The following AFAP1 variants were observed in gnomAD, a reference collection of about 807,000 sequenced individuals.
AFAP1 encodes the protein actin filament-associated protein 1.
A neutral mutation model predicts 93.9 loss-of-function variants in AFAP1; 75 were observed. The ratio of observed to expected loss-of-function variants is 0.80; its 90% confidence interval spans 0.66 to 0.97. The LOEUF is 0.97. Among genes scored for constraint, AFAP1 ranks in the 50% least tolerant of loss-of-function variants. The pLI, the probability that AFAP1 is intolerant of heterozygous loss-of-function variation, is 0.00. For synonymous variants in AFAP1, 517 were observed against 430.7 expected (o/e 1.20, Z -2.48); for missense variants, 1,201 against 1,050.8 (o/e 1.14, Z -1.98).
chr4:7,928,505 A>G lies in AFAP1; in HGVS notation c.-3+11151T>C, dbSNP rs1178055401. Reference sequence around the variant, plus strand: ...CGGGTTCAAGCGATTCTCCTGCTTCAGCCTCCCAAGTAGCTGGGACTACAG... The same window carrying G: ...CGGGTTCAAGCGATTCTCCTGCTTCGGCCTCCCAAGTAGCTGGGACTACAG... On this transcript the variant is annotated intron_variant, in intron 1 of 17. Transcript: ENST00000420658. 2.0e-5 allele frequency among the ~76,000 whole-genome samples: 3 copies of G among 152,038 alleles called. No homozygotes were observed. The East Asian group carries it at 5.8e-4, about 29-fold the overall frequency.
At chr4:7,816,461 T>A (rs1385160757) in intron 7 of AFAP1, among the ~76,000 whole-genome samples, 1 of 152,244 alleles carries the variant, frequency 6.6e-6, no homozygotes, top group Non-Finnish European at 1.5e-5. Context: ...CTCGCAGAAG[T>A]AAATATTCCA....
chr4:7,863,065 C>CA (rs1307166061), intron 3 of AFAP1, among the ~76,000 whole-genome samples: 3 of 152,180 alleles, frequency 2.0e-5, no homozygotes, highest in Non-Finnish European at 2.9e-5. Flanking sequence ...GCACTTGCTG[C>CA]AAACGAAATG....
chr4:7,758,863 A>AT lies in AFAP1; in HGVS notation c.*4901dup, dbSNP rs1305814893. 1 of 152,188 alleles carries AT rather than the reference A, an allele frequency of 6.6e-6. No individual in the cohort carries two copies. Among genetic ancestry groups the AT allele is most frequent in the African/African-American group, 2.4e-5 (1 of 41,452 alleles). The allele number at this position is 152,188 out of a possible 1,614,324, so 9.4% of individuals were successfully genotyped here. ...TGGGGCGAGTGGACTGAAAACTAGG[A>AT]TTTTCCTTGCAAGTTTCTTTTCATA... On this transcript the variant is annotated 3_prime_UTR_variant, in exon 18 of 18. Coordinates refer to ENST00000420658, the MANE Select transcript of AFAP1 (RefSeq NM_001134647.2).
At chr4:7,844,618 G>A (rs55861300) in intron 4 of AFAP1, among the ~76,000 whole-genome samples, 57,695 of 152,104 alleles carry the variant, frequency 0.38, 12,330 homozygotes, top group Non-Finnish European at 0.47. Flanking sequence ...TGATCTCCCC[G>A]GCACCTAACA....
In AFAP1 at chr4:7,834,522, T is replaced by A. The variant is rs567595248; in HGVS notation, c.726+4002A>T. On this transcript the variant is annotated intron_variant, in intron 6 of 17. Coordinates refer to ENST00000420658, the MANE Select transcript of AFAP1 (RefSeq NM_001134647.2). Reference sequence around the variant, plus strand: ...ATAACCTATGGAAATTTAAAAAAAATTTTTTTCAAAAAAAAGCAAGATAAA... The same window carrying A: ...ATAACCTATGGAAATTTAAAAAAAAATTTTTTCAAAAAAAAGCAAGATAAA... Among the ~76,000 whole-genome samples the A allele has an allele frequency of 1.5e-3, 232 of 152,214 alleles. 1 individual carries two copies. Among genetic ancestry groups the A allele is most frequent in the South Asian group, 0.011 (52 of 4,814 alleles).
intron 1 of AFAP1, among the ~76,000 whole-genome samples, chr4:7,911,800 G>A (rs922435048): frequency 1.3e-5 from 2 of 152,134 alleles, no homozygotes; most frequent in Non-Finnish European, 2.9e-5. Flanking sequence ...AGAGTCCTGG[G>A]GTTCTCCATA....
At position 7,760,219 on chromosome 4, in the gene AFAP1, A is replaced by C. The variant is rs968160709; in HGVS notation, c.*3546T>G. The C allele has an allele frequency of 1.2e-4, 18 of 152,238 alleles. No homozygotes were observed. Among genetic ancestry groups the C allele is most frequent in the Non-Finnish European group, 2.5e-4 (17 of 68,042 alleles). The allele number at this position is 152,238 out of a possible 1,614,324, so 9.4% of individuals were successfully genotyped here. A position where few individuals can be genotyped will look rare whatever the true frequency, so the allele number is the denominator to read the frequency against. On this transcript the variant is annotated 3_prime_UTR_variant, in exon 18 of 18. Transcript: ENST00000420658. ...TTTTTGAAACAGACTTTTCAAAAGG[A>C]GTAAATCTCCACATTTTAGGGTAGT...
At chr4:7,918,362 C>T (rs1720213505) in intron 1 of AFAP1, among the ~76,000 whole-genome samples, 2 of 150,028 alleles carry the variant, frequency 1.3e-5, no homozygotes. Context: ...GACACTCAGC[C>T]CAGGTCACCA....
intron 1 of AFAP1, among the ~76,000 whole-genome samples, chr4:7,938,034 C>G (rs529627305): frequency 1.3e-5 from 2 of 152,330 alleles, no homozygotes; most frequent in East Asian, 3.9e-4. Context: ...CAAAGCCAAT[C>G]TGTCCTGGCA....
At chr4:7,898,808 A>AGAGTGTGTGTGTGTGTGT (rs376959896) in intron 1 of AFAP1, among the ~76,000 whole-genome samples, 3 of 136,956 alleles carry the variant, frequency 2.2e-5, no homozygotes, top group Admixed American at 1.5e-4. Context: ...GGGCAGTAGA[A>AGAGTGTGTGTGTGTGTGT]GTGTGTGTGT....
intron 14 of AFAP1, chr4:7,775,515 CTG>C (rs1716007522): frequency 6.6e-6 from 1 of 152,494 alleles, no homozygotes; most frequent in Non-Finnish European, 1.5e-5. Context: ...ACCGCAGTAT[CTG>C]TTCCTTATGG....
intron 1 of AFAP1, among the ~76,000 whole-genome samples, chr4:7,898,985 T>TATACAAA: frequency 6.7e-6 from 1 of 149,474 alleles, no homozygotes; most frequent in Non-Finnish European, 1.5e-5. Flanking sequence ...TACAATGGTA[T>TATACAAA]TGTATATACA....
intron 16 of AFAP1, among the ~76,000 whole-genome samples, chr4:7,770,054 G>A (rs1411629907): frequency 6.6e-6 from 1 of 152,224 alleles, no homozygotes; most frequent in Non-Finnish European, 1.5e-5. Context: ...CCCGAGGACG[G>A]CCTGGGCTGC....
intron 1 of AFAP1, among the ~76,000 whole-genome samples, chr4:7,936,279 C>T (rs1357061071): frequency 6.6e-6 from 1 of 152,186 alleles, no homozygotes; most frequent in Non-Finnish European, 1.5e-5. Context: ...CCTTACCAAA[C>T]AGATAAATTG....
chr4:7,815,522 C>T (rs763414733), intron 8 of AFAP1, among the ~76,000 whole-genome samples: 1 of 152,092 alleles, frequency 6.6e-6, no homozygotes, highest in African/African-American at 2.4e-5. Context: ...GGTCTGGCCT[C>T]CTCATTTTAA....
chr4:7,848,924 A>G (rs764469455), intron 4 of AFAP1, among the ~76,000 whole-genome samples: 12 of 152,216 alleles, frequency 7.9e-5, no homozygotes, highest in Non-Finnish European at 1.3e-4. Flanking sequence ...ACTGCATAAA[A>G]GCAACGGCAA....
chr4:7,871,142 C>T (rs963175450), intron 2 of AFAP1, among the ~76,000 whole-genome samples: 1 of 152,106 alleles, frequency 6.6e-6, no homozygotes, highest in African/African-American at 2.4e-5. Flanking sequence ...ACTTAGCAGG[C>T]TTTCTTATTG....
intron 9 of AFAP1, among the ~76,000 whole-genome samples, chr4:7,802,758 T>C (rs1030512750): frequency 6.6e-6 from 1 of 150,998 alleles, no homozygotes; most frequent in African/African-American, 2.4e-5. Context: ...CACGCCATTC[T>C]CCCGCCTCAG....
At chr4:7,855,971 G>T (rs1424178250) in intron 3 of AFAP1, among the ~76,000 whole-genome samples, 6 of 152,128 alleles carry the variant, frequency 3.9e-5, no homozygotes, top group Admixed American at 3.9e-4. Flanking sequence ...AACCCTCGCA[G>T]GCCTCAGACG....
Sources: gnomAD v4.1 joint callset for allele counts (sites outside exome capture counted in the v4.1 genomes callset) on GRCh38, gnomAD v4.1.1 for gene constraint, MANE v1.5 for transcripts, NCBI Gene and HGNC (gene_info 2026-07-23, HGNC 2026-07-21) for gene names.